Variants in LRP1B observed in about 807,000 individuals in gnomAD.
LRP1B encodes LDL receptor related protein 1B, also known as low-density lipoprotein receptor-related protein 1B.
A neutral mutation model predicts 556.6 loss-of-function variants in LRP1B; 217 were observed. The ratio of observed to expected loss-of-function variants is 0.39; its 90% CI spans 0.35 to 0.44. LRP1B has a LOEUF of 0.44. Ranked by LOEUF, LRP1B falls within the 20% of genes least tolerant of loss-of-function variation. The pLI, the probability that LRP1B is intolerant of heterozygous loss-of-function variation, is 1.00. For missense variants in LRP1B, 5,053 were observed against 5,620.8 expected (o/e 0.90, Z 3.23); for synonymous variants, 2,047 against 1,865.8 (o/e 1.10, Z -2.50).
At chr2:141,929,129 A>G (rs961146455) in intron 1 of LRP1B, among the ~76,000 whole-genome samples, 2 of 152,106 alleles carry the variant, frequency 1.3e-5, no homozygotes, top group Non-Finnish European at 2.9e-5. Context: ...CAGAAGATTT[A>G]AAGGTAAGGA....
At chr2:141,934,172 T>A (rs1333583514) in intron 1 of LRP1B, among the ~76,000 whole-genome samples, 1 of 152,058 alleles carries the variant, frequency 6.6e-6, no homozygotes, top group Non-Finnish European at 1.5e-5. Context: ...GGCAGATTAG[T>A]GTTGATGACA....
chr2:142,055,067 G>T (rs554401107), intron 1 of LRP1B, among the ~76,000 whole-genome samples: 1 of 152,194 alleles, frequency 6.6e-6, no homozygotes, highest in African/African-American at 2.4e-5. Context: ...TGCTGCTTGC[G>T]TATGTCGGTA....
chr2:141,855,314 C>T (rs16847378), intron 1 of LRP1B, among the ~76,000 whole-genome samples: 27,251 of 151,964 alleles, frequency 0.18, 2,918 homozygotes, highest in Middle Eastern at 0.32. Context: ...CTGTTAGCCC[C>T]TTAACGGGAT....
At chr2:140,843,185 T>C (rs1040949658) in intron 29 of LRP1B, among the ~76,000 whole-genome samples, 6 of 149,570 alleles carry the variant, frequency 4.0e-5, no homozygotes, top group Non-Finnish European at 8.9e-5. Flanking sequence ...AGACTCTTAA[T>C]AATATGGCCT....
chr2:141,393,701 A>G (rs773381347), intron 3 of LRP1B, among the ~76,000 whole-genome samples: 1 of 152,166 alleles, frequency 6.6e-6, no homozygotes, highest in African/African-American at 2.4e-5. Context: ...TGTATACTGT[A>G]GTTTGGAAGA....
intron 74 of LRP1B, among the ~76,000 whole-genome samples, chr2:140,357,139 C>G (rs1429780261): frequency 4.0e-5 from 6 of 151,784 alleles, no homozygotes; most frequent in Non-Finnish European, 1.5e-5. Context: ...AAGGCCTTCT[C>G]TTTTAAATAA....
chr2:141,272,757 GA>G (rs1211234741), intron 3 of LRP1B, among the ~76,000 whole-genome samples: 1 of 151,876 alleles, frequency 6.6e-6, no homozygotes, highest in Admixed American at 6.6e-5. Flanking sequence ...GAATCCATCA[GA>G]AAAAAATACA....
chr2:142,017,114 C>CTGA (rs1703173293), intron 1 of LRP1B, among the ~76,000 whole-genome samples: 1 of 151,610 alleles, frequency 6.6e-6, no homozygotes, highest in Non-Finnish European at 1.5e-5. Flanking sequence ...GAGAAAAATA[C>CTGA]TGATACTTGA....
intron 69 of LRP1B, among the ~76,000 whole-genome samples, chr2:140,371,806 G>A (rs1683013401): frequency 6.6e-6 from 1 of 151,934 alleles, no homozygotes; most frequent in African/African-American, 2.4e-5. Context: ...CATAAATAAA[G>A]TATTTGAATA....
chr2:141,405,871 T>C (rs1355245216), intron 3 of LRP1B, among the ~76,000 whole-genome samples: 1 of 152,120 alleles, frequency 6.6e-6, no homozygotes, highest in East Asian at 1.9e-4. Context: ...CAAAAGTATT[T>C]AGTATGGCTG....
intron 2 of LRP1B, among the ~76,000 whole-genome samples, chr2:141,668,702 T>C (rs771948075): frequency 2.0e-4 from 31 of 152,304 alleles, no homozygotes; most frequent in Non-Finnish European, 3.8e-4. Context: ...TATAATCTGA[T>C]TCTTCCTGGA....
chr2:140,452,978 T>A (rs1435640041), intron 62 of LRP1B, among the ~76,000 whole-genome samples: 191 of 149,854 alleles, frequency 1.3e-3, no homozygotes, highest in Non-Finnish European at 2.3e-3. Flanking sequence ...TTTTTTTTTT[T>A]TATAAAATAG....
At chr2:141,223,550 A>T (rs1324196034) in intron 6 of LRP1B, among the ~76,000 whole-genome samples, 1 of 152,218 alleles carries the variant, frequency 6.6e-6, no homozygotes, top group Non-Finnish European at 1.5e-5. Flanking sequence ...TTCATATGAC[A>T]TCAAAAAAGA....
chr2:140,604,700 G>A (rs561502002), intron 41 of LRP1B, among the ~76,000 whole-genome samples: 2 of 152,234 alleles, frequency 1.3e-5, no homozygotes, highest in African/African-American at 2.4e-5. Flanking sequence ...CAGTTGCAAA[G>A]TGGTTTGGAT....
At chr2:141,235,243 TTTAA>T (rs144732383) in intron 5 of LRP1B, among the ~76,000 whole-genome samples, 2,215 of 152,150 alleles carry the variant, frequency 0.015, 36 homozygotes, top group African/African-American at 0.043. Flanking sequence ...GGGTAAATAT[TTTAA>T]TTAATTAATT....
intron 58 of LRP1B, among the ~76,000 whole-genome samples, chr2:140,485,805 T>C (rs1688440808): frequency 6.6e-6 from 1 of 151,338 alleles, no homozygotes; most frequent in Admixed American, 6.6e-5. Flanking sequence ...TTTGTTAATC[T>C]ATTCATCCTC....
At chr2:141,861,723 G>T (rs185727934) in intron 1 of LRP1B, among the ~76,000 whole-genome samples, 13 of 152,112 alleles carry the variant, frequency 8.5e-5, no homozygotes, top group African/African-American at 2.9e-4. Flanking sequence ...TGAGGTCAGG[G>T]GTTTGAGAAC....
chr2:141,742,085 A>T (rs1156454441), intron 2 of LRP1B, among the ~76,000 whole-genome samples: 1 of 152,168 alleles, frequency 6.6e-6, no homozygotes, highest in African/African-American at 2.4e-5. Flanking sequence ...CACCTTTGTC[A>T]AAAATGAGTT....
intron 68 of LRP1B, 61 bp downstream of exon 68, chr2:140,378,113 GAATAAT>G (rs1285952059): frequency 4.6e-6 from 5 of 1,079,552 alleles, no homozygotes; most frequent in Non-Finnish European, 7.0e-6. Flanking sequence ...TTATTGGACT[GAATAAT>G]AATAATTACA....
Sources: allele counts gnomAD v4.1 joint callset (sites outside exome capture counted in the v4.1 genomes callset), GRCh38; gene constraint gnomAD v4.1.1; transcripts MANE v1.5; gene names NCBI Gene and HGNC (gene_info 2026-07-23, HGNC 2026-07-21).